Variants in PHRF1 observed in about 807,000 individuals in gnomAD.
The protein encoded by PHRF1 is PHD and RING finger domain-containing protein 1.
Under a neutral mutation model 128.9 loss-of-function variants are expected in PHRF1, and 53 were observed. The observed-to-expected ratio is 0.41, with a 90% CI of 0.33 to 0.52. The LOEUF is 0.52. Ranked by LOEUF, PHRF1 falls within the 20% of genes least tolerant of loss-of-function variation. PHRF1 has a pLI of 0.21. For synonymous variants in PHRF1, 1,178 were observed against 980.6 expected (o/e 1.20, Z -3.76); for missense variants, 2,503 against 2,284.5 (o/e 1.10, Z -1.95).
At chr11:611,117 G>C in intron 17 of PHRF1, 35 bp downstream of exon 17, 1 of 1,604,800 alleles carries the variant, frequency 6.2e-7, no homozygotes, top group East Asian at 2.3e-5. Context: ...TGGGGCTCGG[G>C]GTCACGGGCG....
chr11:594,985 C>T (rs1855198328), intron 6 of PHRF1, among the ~76,000 whole-genome samples: 2 of 152,208 alleles, frequency 1.3e-5, no homozygotes, highest in East Asian at 1.9e-4. Flanking sequence ...CATTTCCATA[C>T]TGTTACAATT....
chr11:610,352 G>C lies in PHRF1; in HGVS notation c.4416+5G>C, dbSNP rs1856292602. ...CCAGACACAGACCCCTCTCAGGTGG[G>C]TGTCTGGGCTGGAGGGCTGTGGGCC... On this transcript the variant is annotated splice_donor_5th_base_variant and intron_variant, in intron 15 of 17. Coordinates refer to ENST00000264555, the MANE Select transcript of PHRF1 (RefSeq NM_001286581.2). 1 of 1,558,392 alleles carries C rather than the reference G, an allele frequency of 6.4e-7. No individual in the cohort carries two copies.
chr11:603,994 T>G (rs886695071), intron 10 of PHRF1, among the ~76,000 whole-genome samples: 1 of 152,194 alleles, frequency 6.6e-6, no homozygotes, highest in African/African-American at 2.4e-5. Context: ...TGAGCCACCA[T>G]GCCTGGCCCT....
At chr11:601,741 A>G (rs770806709) in intron 10 of PHRF1, 40 bp downstream of exon 10, 17 of 1,612,080 alleles carry the variant, frequency 1.1e-5, no homozygotes, top group Non-Finnish European at 1.4e-5. Flanking sequence ...CCTGCTGGCC[A>G]CAGCACCCTC....
rs1856336938 is a variant in PHRF1, at chr11:610,824, G to A, written c.4677+63G>A. 4 of 1,586,214 alleles carry A rather than the reference G, an allele frequency of 2.5e-6. No individual in the cohort carries two copies. The South Asian group carries it at 3.4e-5, about 13-fold the overall frequency. Reference sequence around the variant, plus strand: ...TCTTACTTTGAAACTAAAGTTGTTGGGGCTGAGTTTATGGGCGGAAGCTGG... The same window carrying A: ...TCTTACTTTGAAACTAAAGTTGTTGAGGCTGAGTTTATGGGCGGAAGCTGG... On this transcript the variant is annotated intron_variant, in intron 16 of 17. Coordinates refer to ENST00000264555, the MANE Select transcript of PHRF1 (RefSeq NM_001286581.2).
chr11:587,187 G>A, intron 3 of PHRF1, 72 bp from the exon 4 acceptor site: 2 of 1,470,124 alleles, frequency 1.4e-6, no homozygotes, highest in South Asian at 1.2e-5. Flanking sequence ...CGCAGCCTGG[G>A]CCCGCTTGCC....
chr11:581,291 TGACACTGG>T (rs886923363), intron 1 of PHRF1, among the ~76,000 whole-genome samples, 193 bp from the exon 2 acceptor site: 1 of 151,986 alleles, frequency 6.6e-6, no homozygotes, highest in Non-Finnish European at 1.5e-5. Flanking sequence ...GCGGTGGATG[TGACACTGG>T]GACACTGGGG....
At chr11:599,208 T>A (rs892189790) in intron 9 of PHRF1, among the ~76,000 whole-genome samples, 1 of 152,064 alleles carries the variant, frequency 6.6e-6, no homozygotes, top group African/African-American at 2.4e-5. Flanking sequence ...TTTTAGAAAT[T>A]AACTGTATTG....
chr11:610,367 G>T lies in PHRF1; in HGVS notation c.4416+20G>T. ...TCTCAGGTGGGTGTCTGGGCTGGAG[G>T]GCTGTGGGCCGTGGGCAGTGGCCTG... is the stretch of plus-strand genomic sequence containing the variant. On this transcript the variant is annotated intron_variant, in intron 15 of 17. Transcript: ENST00000264555. 1 of 1,548,006 alleles carries T rather than the reference G, an allele frequency of 6.5e-7. No individual in the cohort carries two copies. The highest frequency in any genetic ancestry group is 8.7e-7 in the Non-Finnish European group (1 of 1,144,566).
At chr11:598,630 G>A in intron 9 of PHRF1, 128 bp downstream of exon 9, 10 of 1,389,810 alleles carry the variant, frequency 7.2e-6, no homozygotes, top group Non-Finnish European at 8.6e-6. Flanking sequence ...CTTCTCTGCT[G>A]AAAACACTAC....
intron 2 of PHRF1, 48 bp downstream of exon 2, chr11:581,654 G>C (rs1316277393): frequency 6.5e-7 from 1 of 1,530,270 alleles, no homozygotes; most frequent in Non-Finnish European, 8.9e-7. Flanking sequence ...GGAGCAGGGT[G>C]CCTGGTGTTT....
intron 3 of PHRF1, among the ~76,000 whole-genome samples, 166 bp downstream of exon 3, chr11:582,247 T>G (rs1251529474): frequency 6.6e-6 from 1 of 150,518 alleles, no homozygotes; most frequent in Non-Finnish European, 1.5e-5. Context: ...GCTCACTTTA[T>G]TTGTAGTACT....
chr11:599,277 C>CAT (rs1855494857), intron 9 of PHRF1, among the ~76,000 whole-genome samples: 1 of 108,192 alleles, frequency 9.2e-6, no homozygotes, highest in African/African-American at 3.6e-5. Context: ...TTTTTTGAGA[C>CAT]AGAGTCTCGC....
intron 17 of PHRF1, among the ~76,000 whole-genome samples, chr11:611,325 T>C (rs1212024596): frequency 6.6e-6 from 1 of 152,106 alleles, no homozygotes; most frequent in East Asian, 1.9e-4. Context: ...AATTTAAAAC[T>C]ACCCAGCCCA....
intron 9 of PHRF1, among the ~76,000 whole-genome samples, chr11:599,132 G>T (rs535463791): frequency 1.3e-5 from 2 of 152,106 alleles, no homozygotes; most frequent in South Asian, 4.1e-4. Flanking sequence ...CCTTTCCCTC[G>T]TGGGGATTTA....
At chr11:600,493 A>AATATATATAT (rs35825045) in intron 9 of PHRF1, among the ~76,000 whole-genome samples, 93 of 129,326 alleles carry the variant, frequency 7.2e-4, no homozygotes, top group African/African-American at 2.7e-3. Context: ...TGTCTCCAAA[A>AATATATATAT]ATATATATAT....
At chr11:586,321 A>G (rs1854555925) in intron 3 of PHRF1, among the ~76,000 whole-genome samples, 1 of 152,210 alleles carries the variant, frequency 6.6e-6, no homozygotes, top group African/African-American at 2.4e-5. Flanking sequence ...AACATGAAAG[A>G]TGGGAACTTA....
chr11:597,594 A>G lies in PHRF1; in HGVS notation c.894+24A>G, dbSNP rs746437098. The G allele has an allele frequency of 1.1e-5, 18 of 1,568,154 alleles. No individual in the cohort carries two copies. Among genetic ancestry groups the G allele is most frequent in the Non-Finnish European group, 1.6e-5 (18 of 1,153,804 alleles). ...AGGTGGGTGGCCCAGCCCTGACGCC[A>G]GTCGTAGAACCCCAGCTGCCCAGAG... On this transcript the variant is annotated intron_variant, in intron 8 of 17. Coordinates refer to ENST00000264555, the MANE Select transcript of PHRF1 (RefSeq NM_001286581.2). This position sits in a 1 kb window ranked among gnomAD's most constrained non-coding sequence, Gnocchi z 6.5.
At chr11:582,341 T>A (rs1276605831) in intron 3 of PHRF1, among the ~76,000 whole-genome samples, 2 of 151,180 alleles carry the variant, frequency 1.3e-5, no homozygotes, top group East Asian at 3.9e-4. Flanking sequence ...CTCAGCTCAC[T>A]GCAACTTCTG....
Sources: gnomAD v4.1 joint callset for allele counts (sites outside exome capture counted in the v4.1 genomes callset) on GRCh38, gnomAD v4.1.1 for gene constraint, Gnocchi (gnomAD v3.1) non-coding constraint, MANE v1.5 for transcripts, NCBI Gene and HGNC (gene_info 2026-07-23, HGNC 2026-07-21) for gene names.